C14orf39: variants seen among roughly 807,000 people sequenced by gnomAD.
C14orf39 encodes the protein protein SIX6OS1.
In C14orf39, 66 loss-of-function variants were observed where a neutral mutation model predicts 85.6. That is an observed-to-expected ratio of 0.77 (90% CI 0.63 to 0.95). C14orf39 has a LOEUF of 0.95. Among genes scored for constraint, C14orf39 ranks in the 40% least tolerant of loss-of-function variants. C14orf39 has a pLI of 0.00. For synonymous variants in C14orf39, 242 were observed against 214.0 expected, an observed-to-expected ratio of 1.13 and a Z score of -1.14; for missense variants, 735 against 663.9, an observed-to-expected ratio of 1.11 and a Z score of -1.18.
At chr14:60,511,035 G>C in intron 1 of C14orf39, 1 of 1,590,140 alleles carries the variant, frequency 6.3e-7, no homozygotes, top group Non-Finnish European at 8.6e-7. Context: ...GGCGGGCGAC[G>C]GGCGGCTGTG....
intron 1 of C14orf39, among the ~76,000 whole-genome samples, chr14:60,513,815 G>T (rs542428437): frequency 6.6e-5 from 10 of 152,298 alleles, no homozygotes; most frequent in Admixed American, 2.0e-4. Flanking sequence ...ATTTTTAAGT[G>T]ACAGTTTATT....
chr14:60,478,525 A>G (rs1045045068), intron 4 of C14orf39, 136 bp from the exon 5 acceptor site: 2 of 475,586 alleles, frequency 4.2e-6, no homozygotes, highest in African/African-American at 2.0e-5. Flanking sequence ...TACATCAAGA[A>G]AAGTATTTCC....
chr14:60,469,675 G>A (rs1284860167), intron 7 of C14orf39, 22 bp from the exon 8 acceptor site: 2 of 992,800 alleles, frequency 2.0e-6, no homozygotes, highest in Non-Finnish European at 2.8e-6. Flanking sequence ...AAGGAACTAT[G>A]TCATATAAGT....
intron 4 of C14orf39, among the ~76,000 whole-genome samples, chr14:60,478,795 C>A (rs1208057713): frequency 6.6e-6 from 1 of 151,912 alleles, no homozygotes; most frequent in Admixed American, 6.6e-5. Flanking sequence ...AGAATAAGGG[C>A]TAAAGAGAGG....
At chr14:60,506,135 C>T (rs1180461054) in intron 1 of C14orf39, among the ~76,000 whole-genome samples, 1 of 152,100 alleles carries the variant, frequency 6.6e-6, no homozygotes, top group East Asian at 1.9e-4. Flanking sequence ...CGGCAAGACC[C>T]GAGCCTTTGT....
intron 1 of C14orf39, among the ~76,000 whole-genome samples, chr14:60,508,320 A>C (rs1315382558): frequency 6.6e-6 from 1 of 152,034 alleles, no homozygotes; most frequent in Non-Finnish European, 1.5e-5. Context: ...CCTACCAATG[A>C]CTTCTCGGCT....
chr14:60,468,508 G>C lies in C14orf39; in HGVS notation c.704C>G (p.Ala235Gly), dbSNP rs1172307115. Reference protein sequence around the residue: ...QQISRHNETKALSETLEEKNK... With the variant: ...QQISRHNETKGLSETLEEKNK... ...CTTTTCTTCCAGAGTTTCTGAAAGAGCCTTAGTTTCATTATGCCTAGATAT... is the reference window on the plus strand; with the variant it reads ...CTTTTCTTCCAGAGTTTCTGAAAGACCCTTAGTTTCATTATGCCTAGATAT... Residue 235 changes from alanine (A) to glycine (G), a missense_variant, in exon 9 of 18, where the codon GCT (alanine) becomes GGT (glycine). By Grantham distance (60) the Ala-to-Gly change is moderately conservative. Transcript: ENST00000321731. The C allele has an allele frequency of 3.3e-5, 52 of 1,593,006 alleles. No individual in the cohort carries two copies. Among genetic ancestry groups the C allele is most frequent in the Non-Finnish European group, 4.3e-5 (50 of 1,168,570 alleles).
Position 60,471,759 on chromosome 14 carries a change from T to C in C14orf39, c.324-20A>G. 2.1e-6 allele frequency: 3 copies of C among 1,399,642 alleles called. No individual in the cohort carries two copies. The highest frequency in any genetic ancestry group is 2.9e-6 in the Non-Finnish European group (3 of 1,023,004). 86.7% of individuals were successfully genotyped at this position (1,399,642 alleles called of 1,614,324 possible). On this transcript the variant is annotated intron_variant, in intron 5 of 17. Transcript: ENST00000321731. ...ATTTCTCTGTTAAAATTAAAAGAAA[T>C]GATGTTTATATAACAACAACAGATC...
At chr14:60,478,178 CAA>C (rs71435508) in intron 5 of C14orf39, 120 bp downstream of exon 5, 59 of 89,960 alleles carry the variant, frequency 6.6e-4, no homozygotes, top group South Asian at 3.6e-3. Context: ...GACTCCATCT[CAA>C]AAAAAAAAAA....
intron 17 of C14orf39, among the ~76,000 whole-genome samples, chr14:60,437,733 T>C (rs1366457534): frequency 6.6e-6 from 1 of 152,018 alleles, no homozygotes; most frequent in African/African-American, 2.4e-5. Flanking sequence ...ATGCTGAATC[T>C]AAGAGATACT....
At chr14:60,446,036 C>T (rs1374738155) in intron 16 of C14orf39, among the ~76,000 whole-genome samples, 1 of 152,062 alleles carries the variant, frequency 6.6e-6, no homozygotes, top group Non-Finnish European at 1.5e-5. Context: ...CAAAACGTAC[C>T]AGAATCTCTG....
At chr14:60,513,505 C>T (rs1893323489) in intron 1 of C14orf39, among the ~76,000 whole-genome samples, 1 of 152,198 alleles carries the variant, frequency 6.6e-6, no homozygotes, top group Admixed American at 6.5e-5. Flanking sequence ...CTTAATCTGA[C>T]AAGGAGTAGC....
chr14:60,511,164 T>G, intron 1 of C14orf39: 1 of 1,611,652 alleles, frequency 6.2e-7, no homozygotes, highest in East Asian at 2.2e-5. Flanking sequence ...GTGCTGGGCG[T>G]CGCCACCAGC....
chr14:60,449,470 C>T (rs1306929272), intron 16 of C14orf39, among the ~76,000 whole-genome samples: 1 of 152,094 alleles, frequency 6.6e-6, no homozygotes, highest in Non-Finnish European at 1.5e-5. Flanking sequence ...TAGCCCATAC[C>T]ATTGATCAAT....
intron 5 of C14orf39, among the ~76,000 whole-genome samples, chr14:60,477,799 T>C (rs1422620160): frequency 2.6e-5 from 4 of 152,112 alleles, no homozygotes; most frequent in African/African-American, 9.7e-5. Context: ...CATATCTAAA[T>C]ATATCTAGGA....
rs1166622572 is a variant in C14orf39, at chr14:60,455,130, A to G, written c.1374T>C (p.Asn458=). ...TTTCTGTTTGAACTTCAGGTACTGC[A>G]TTTCTATTTCTGTTACTGAGAAATA... ...TPPFEINRNR[N]AVPEVQTEKE... is the part of the protein sequence containing the mutation. Residue 458 remains asparagine (N), a synonymous_variant, in exon 16 of 18, where the codon AAT becomes AAC. Coordinates refer to ENST00000321731, the MANE Select transcript of C14orf39 (RefSeq NM_174978.3). 1 of 1,559,504 alleles carries G rather than the reference A, an allele frequency of 6.4e-7. No individual in the cohort carries two copies. The highest frequency in any genetic ancestry group is 1.4e-5 in the African/African-American group (1 of 70,894).
intron 15 of C14orf39, 98 bp from the exon 16 acceptor site, chr14:60,455,243 T>C (rs746220291): frequency 1.1e-5 from 9 of 809,158 alleles, no homozygotes; most frequent in Non-Finnish European, 1.5e-5. Flanking sequence ...AGAATTAGCA[T>C]AGTAGGGAAA....
chr14:60,485,153 T>C, intron 1 of C14orf39, 67 bp from the exon 2 acceptor site: 1 of 1,335,082 alleles, frequency 7.5e-7, no homozygotes, highest in South Asian at 1.3e-5. Context: ...ATATATTTCG[T>C]AACGACCTTT....
chr14:60,469,405 T>C (rs1454517320), intron 8 of C14orf39, 128 bp downstream of exon 8: 1 of 294,232 alleles, frequency 3.4e-6, no homozygotes, highest in Non-Finnish European at 6.4e-6. Context: ...CCAAAGGTAA[T>C]CTAAATTATC....
Sources: gnomAD v4.1 joint callset for allele counts (sites outside exome capture counted in the v4.1 genomes callset) on GRCh38, gnomAD v4.1.1 for gene constraint, MANE v1.5 for transcripts, NCBI Gene and HGNC (gene_info 2026-07-23, HGNC 2026-07-21) for gene names.